GRID2: variants seen among roughly 807,000 people sequenced by gnomAD.
The protein encoded by GRID2 is glutamate ionotropic receptor delta type subunit 2.
GRID2 carries 33 observed loss-of-function variants against 114.8 expected under a neutral mutation model. The observed-to-expected ratio is 0.29, with a 90% CI of 0.22 to 0.38. The LOEUF is 0.38. Ranked by LOEUF, GRID2 falls within the 10% of genes least tolerant of loss-of-function variation. The pLI, the probability that GRID2 is intolerant of heterozygous loss-of-function variation, is 1.00. For missense variants in GRID2, 1,184 were observed against 1,257.7 expected (o/e 0.94, Z 0.89); for synonymous variants, 505 against 449.9 (o/e 1.12, Z -1.55).
chr4:92,868,102 C>A (rs570946764), intron 2 of GRID2, among the ~76,000 whole-genome samples: 1 of 147,564 alleles, frequency 6.8e-6, no homozygotes, highest in Non-Finnish European at 1.5e-5. Context: ...CTTTCTTTCT[C>A]TTTCTTTCTT....
intron 1 of GRID2, among the ~76,000 whole-genome samples, chr4:92,419,612 GA>G (rs1731794671): frequency 6.6e-6 from 1 of 152,098 alleles, no homozygotes; most frequent in African/African-American, 2.4e-5. Context: ...TTTTGGAAGA[GA>G]TATTTCTTTA....
chr4:93,743,944 G>T (rs937230753), intron 14 of GRID2, among the ~76,000 whole-genome samples: 1 of 152,138 alleles, frequency 6.6e-6, no homozygotes, highest in African/African-American at 2.4e-5. Flanking sequence ...AATACATTTG[G>T]TGACTTTCAA....
At chr4:93,064,995 C>T (rs1421155211) in intron 2 of GRID2, among the ~76,000 whole-genome samples, 2 of 151,714 alleles carry the variant, frequency 1.3e-5, no homozygotes, top group African/African-American at 2.4e-5. Flanking sequence ...AAAACTTATT[C>T]GTCATTTTAA....
At chr4:93,043,832 G>T (rs901640276) in intron 2 of GRID2, among the ~76,000 whole-genome samples, 8 of 151,960 alleles carry the variant, frequency 5.3e-5, no homozygotes, top group Non-Finnish European at 1.0e-4. Context: ...GTTAATGGGT[G>T]CAGCACACCA....
chr4:93,402,961 C>A (rs549159136), intron 9 of GRID2, among the ~76,000 whole-genome samples: 1 of 152,202 alleles, frequency 6.6e-6, no homozygotes, highest in African/African-American at 2.4e-5. Context: ...CCTCAAAGTT[C>A]AAGCTTTTCT....
intron 9 of GRID2, among the ~76,000 whole-genome samples, chr4:93,419,074 C>CTTTTTTTTT (rs58832079): frequency 3.7e-5 from 4 of 109,530 alleles, no homozygotes; most frequent in Non-Finnish European, 5.3e-5. Context: ...CATGATTTTC[C>CTTTTTTTTT]TTTTTTTTTT....
intron 5 of GRID2, among the ~76,000 whole-genome samples, chr4:93,212,437 A>G (rs1185696076): frequency 2.0e-5 from 3 of 152,116 alleles, no homozygotes; most frequent in African/African-American, 7.2e-5. Context: ...TGGTAATAGT[A>G]TTTATCTTCT....
At chr4:92,339,395 A>T (rs1727355889) in intron 1 of GRID2, among the ~76,000 whole-genome samples, 1 of 152,150 alleles carries the variant, frequency 6.6e-6, no homozygotes, top group Admixed American at 6.6e-5. Flanking sequence ...ATATTCATTA[A>T]CTATCCTATG....
At chr4:92,766,950 T>G (rs1738298255) in intron 2 of GRID2, among the ~76,000 whole-genome samples, 1 of 152,210 alleles carries the variant, frequency 6.6e-6, no homozygotes, top group Non-Finnish European at 1.5e-5. Context: ...CTAGGACTTT[T>G]TAAGTCTGAA....
intron 8 of GRID2, among the ~76,000 whole-genome samples, chr4:93,371,833 C>A (rs763671817): frequency 6.8e-6 from 1 of 146,792 alleles, no homozygotes; most frequent in Admixed American, 6.8e-5. Context: ...CTGCAACTTC[C>A]GCCTCCAAGG....
At chr4:93,355,112 G>A (rs973270534) in intron 8 of GRID2, among the ~76,000 whole-genome samples, 1 of 151,832 alleles carries the variant, frequency 6.6e-6, no homozygotes, top group African/African-American at 2.4e-5. Flanking sequence ...CTACTCTGGG[G>A]AGAGTGTTTT....
chr4:93,491,062 G>C (rs1340446731), intron 12 of GRID2, among the ~76,000 whole-genome samples: 1 of 151,726 alleles, frequency 6.6e-6, no homozygotes, highest in African/African-American at 2.4e-5. Flanking sequence ...TGTCCACAAA[G>C]AATGACTATA....
intron 2 of GRID2, among the ~76,000 whole-genome samples, chr4:93,037,171 CTATT>C (rs1399811683): frequency 1.1e-4 from 16 of 152,246 alleles, no homozygotes; most frequent in African/African-American, 3.1e-4. Context: ...TGTAATTTCT[CTATT>C]TAAGGATAAA....
intron 14 of GRID2, among the ~76,000 whole-genome samples, chr4:93,710,159 A>C (rs7672241): frequency 0.042 from 6,411 of 152,284 alleles, 220 homozygotes; most frequent in African/African-American, 0.084. Context: ...TTGAACAGTT[A>C]GGTACTTATT....
intron 4 of GRID2, among the ~76,000 whole-genome samples, chr4:93,134,682 A>G (rs560325380): frequency 6.6e-6 from 1 of 152,204 alleles, no homozygotes; most frequent in South Asian, 2.1e-4. Context: ...AGGCATTTTA[A>G]TGAAAATTAA....
chr4:92,672,688 CTTCA>C (rs1733134062), intron 2 of GRID2, among the ~76,000 whole-genome samples: 2 of 151,870 alleles, frequency 1.3e-5, no homozygotes, highest in African/African-American at 4.8e-5. Flanking sequence ...TACATTTTTT[CTTCA>C]TTTATTTATT....
intron 2 of GRID2, among the ~76,000 whole-genome samples, chr4:92,635,657 A>T (rs1036968552): frequency 6.6e-6 from 1 of 152,076 alleles, no homozygotes; most frequent in African/African-American, 2.4e-5. Flanking sequence ...CAGGGTAAAA[A>T]TCCTTACAAA....
intron 14 of GRID2, among the ~76,000 whole-genome samples, chr4:93,728,584 G>A (rs1730168761): frequency 6.6e-6 from 1 of 152,146 alleles, no homozygotes; most frequent in East Asian, 1.9e-4. Context: ...TTGACAGTGG[G>A]GTGTTAAAGT....
intron 13 of GRID2, among the ~76,000 whole-genome samples, chr4:93,595,276 A>G (rs1026528766): frequency 6.6e-6 from 1 of 152,220 alleles, no homozygotes; most frequent in Non-Finnish European, 1.5e-5. Flanking sequence ...TATCGTGGGT[A>G]CATTGAGATT....
Sources: allele counts gnomAD v4.1 joint callset (sites outside exome capture counted in the v4.1 genomes callset), GRCh38; gene constraint gnomAD v4.1.1; transcripts MANE v1.5; gene names NCBI Gene and HGNC (gene_info 2026-07-23, HGNC 2026-07-21).